FUNDC1: variants seen among roughly 807,000 people sequenced by gnomAD.
FUNDC1 encodes FUN14 domain containing 1.
Under a neutral mutation model 14.5 loss-of-function variants are expected in FUNDC1, and 10 were observed. That is an observed-to-expected ratio of 0.69 (90% confidence interval 0.43 to 1.17). The LOEUF (loss-of-function observed/expected upper bound fraction) is 1.17, where lower values mean the gene tolerates loss of function less well. Among genes scored for constraint, FUNDC1 ranks in the 50% most tolerant of loss-of-function variants. FUNDC1 has a pLI of 0.00. For missense variants in FUNDC1, 115 were observed against 113.8 expected (o/e 1.01, Z -0.05); for synonymous variants, 33 against 39.7 (o/e 0.83, Z 0.64).
At chrX:44,536,247 A>G (rs1448843639) in intron 3 of FUNDC1, among the ~76,000 whole-genome samples, 1 of 103,041 alleles carries the variant, frequency 9.7e-6, no homozygotes, top group East Asian at 3.3e-4. Context: ...TGAATCCGGG[A>G]GGTGGAAGTT....
At chrX:44,528,373 C>T (rs920361173) in intron 3 of FUNDC1, among the ~76,000 whole-genome samples, 11 of 112,256 alleles carry the variant, frequency 9.8e-5, no homozygotes, top group African/African-American at 3.6e-4. Context: ...ATTTATTCAT[C>T]TACTATCACT....
In FUNDC1 at chrX:44,538,550, C is replaced by G. The variant is rs773348831; in HGVS notation, c.186-8G>C. ...AACAGAAATCCTGCACACCTTTAAT[C>G]AAATAACAAAAGATGAAAACAATCA... On this transcript the variant is annotated splice_region_variant and splice_polypyrimidine_tract_variant and intron_variant, in intron 2 of 4. Coordinates refer to ENST00000378045, the MANE Select transcript of FUNDC1 (RefSeq NM_173794.4). 4.4e-5 allele frequency: 51 copies of G among 1,169,186 alleles called. No individual in the cohort carries two copies. Among genetic ancestry groups the G allele is most frequent in the Non-Finnish European group, 3.6e-5 (31 of 859,177 alleles).
In FUNDC1 at chrX:44,538,443, C is replaced by T. The variant is rs374334367; in HGVS notation, c.261+24G>A. 236 of 1,145,347 alleles carry T rather than the reference C, an allele frequency of 2.1e-4. No individual in the cohort carries two copies. In the Middle Eastern group the frequency reaches 5.8e-3, roughly 28 times the overall value. 94.4% of individuals were successfully genotyped at this position (1,145,347 alleles called of 1,213,427 possible). The stretch of plus-strand genomic sequence containing the variant: ...ATTCCACCTTCTATGAAAGCAAAGG[C>T]AAGTGCTTAAAGCTCTGACATACCT... On this transcript the variant is annotated intron_variant, in intron 3 of 4. Transcript: ENST00000378045.
At chrX:44,528,857 C>T (rs1335866400) in intron 3 of FUNDC1, among the ~76,000 whole-genome samples, 2 of 111,319 alleles carry the variant, frequency 1.8e-5, no homozygotes, top group Admixed American at 1.9e-4. Flanking sequence ...CCACCACGCC[C>T]GGCTGATTTT....
chrX:44,536,832 T>G (rs902007972), intron 3 of FUNDC1, among the ~76,000 whole-genome samples: 1 of 111,381 alleles, frequency 9.0e-6, no homozygotes, highest in African/African-American at 3.3e-5. Context: ...GATGTATAAC[T>G]CCAAAAAATT....
chrX:44,542,404 G>A (rs1251795042), intron 1 of FUNDC1: 10 of 370,569 alleles, frequency 2.7e-5, no homozygotes, highest in Non-Finnish European at 4.6e-5. Flanking sequence ...CCAAACCTTA[G>A]TAGGGTCAAG....
At chrX:44,535,692 A>G (rs1192761777) in intron 3 of FUNDC1, among the ~76,000 whole-genome samples, 1 of 93,783 alleles carries the variant, frequency 1.1e-5, no homozygotes, top group Non-Finnish European at 2.1e-5. Flanking sequence ...AAAAAAAAAA[A>G]GAAAGAATCC....
intron 4 of FUNDC1, among the ~76,000 whole-genome samples, chrX:44,525,778 G>A (rs2038898547): frequency 1.8e-5 from 2 of 108,701 alleles, no homozygotes; most frequent in Non-Finnish European, 3.8e-5. Flanking sequence ...CCAGGTGCTC[G>A]AGGCTGCAGT....
At chrX:44,542,583 G>A (rs5952590) in intron 1 of FUNDC1, among the ~76,000 whole-genome samples, 7,220 of 109,533 alleles carry the variant, frequency 0.066, 625 homozygotes, top group African/African-American at 0.23. Flanking sequence ...GGTAAGGCAG[G>A]AGGCAGGTAG....
chrX:44,534,584 T>C (rs2038939955), intron 3 of FUNDC1, among the ~76,000 whole-genome samples: 1 of 99,238 alleles, frequency 1.0e-5, no homozygotes, highest in African/African-American at 3.7e-5. Flanking sequence ...CAAAAGAAAA[T>C]CCTATAAGCA....
Position 44,538,450 on chromosome X carries a change from T to C in FUNDC1, c.261+17A>G. ...CTTCTATGAAAGCAAAGGCAAGTGC[T>C]TAAAGCTCTGACATACCTGAAGAAG... is the stretch of plus-strand genomic sequence containing the variant. On this transcript the variant is annotated intron_variant, in intron 3 of 4. Coordinates refer to ENST00000378045, the MANE Select transcript of FUNDC1 (RefSeq NM_173794.4). 2 of 1,183,353 alleles carry C rather than the reference T, an allele frequency of 1.7e-6. No homozygotes were observed. The highest frequency in any genetic ancestry group is 2.3e-6 in the Non-Finnish European group (2 of 871,005).
At chrX:44,541,611 T>C (rs2038972057) in intron 2 of FUNDC1, among the ~76,000 whole-genome samples, 1 of 111,708 alleles carries the variant, frequency 9.0e-6, no homozygotes, top group South Asian at 3.7e-4. Flanking sequence ...TGTAAAAATT[T>C]ACATATAATT....
At chrX:44,540,058 C>T (rs1468315259) in intron 2 of FUNDC1, among the ~76,000 whole-genome samples, 8 of 111,047 alleles carry the variant, frequency 7.2e-5, no homozygotes, top group Non-Finnish European at 1.9e-5. Context: ...TTCCAGAACA[C>T]TTTAAGGGCC....
chrX:44,535,208 C>A (rs2038942414), intron 3 of FUNDC1, among the ~76,000 whole-genome samples: 1 of 110,606 alleles, frequency 9.0e-6, no homozygotes, highest in Non-Finnish European at 1.9e-5. Context: ...AAGGGAATAT[C>A]CAGAAGGTAT....
chrX:44,542,815 G>T lies in FUNDC1; in HGVS notation c.18C>A (p.Pro6=), dbSNP rs763432939. The change falls in exon 1 of 5, where the codon CCC becomes CCA. Residue 6 remains proline (P), a synonymous_variant. Coordinates refer to ENST00000378045, the MANE Select transcript of FUNDC1 (RefSeq NM_173794.4). MATRN[P]PPQDYESDDD... Reference sequence around the variant, plus strand: ...GCCCTGGCCGCTCACCTTGGGGAGGGGGGTTCCGGGTCGCCATGATACCGC... The same window carrying T: ...GCCCTGGCCGCTCACCTTGGGGAGGTGGGTTCCGGGTCGCCATGATACCGC... 1.7e-6 allele frequency: 2 copies of T among 1,167,757 alleles called. No individual in the cohort carries two copies. The highest frequency in any genetic ancestry group is 2.3e-6 in the Non-Finnish European group (2 of 873,308).
intron 3 of FUNDC1, among the ~76,000 whole-genome samples, chrX:44,537,114 G>T (rs1341078643): frequency 8.9e-6 from 1 of 111,841 alleles, no homozygotes; most frequent in Non-Finnish European, 1.9e-5. Flanking sequence ...ATGCAGATAG[G>T]TCCTATGTTG....
chrX:44,525,635 G>A (rs1262233583), intron 4 of FUNDC1, among the ~76,000 whole-genome samples: 1 of 109,223 alleles, frequency 9.2e-6, no homozygotes, highest in Non-Finnish European at 1.9e-5. Flanking sequence ...CAGGCAGGCT[G>A]CTTGAGCCCA....
intron 1 of FUNDC1, 165 bp from the exon 2 acceptor site, chrX:44,542,266 G>A: frequency 2.3e-6 from 1 of 437,847 alleles, no homozygotes; most frequent in East Asian, 3.9e-5. Context: ...TTGAGACCAG[G>A]GCCTCAAGAG....
intron 4 of FUNDC1, among the ~76,000 whole-genome samples, chrX:44,526,488 G>A (rs1366243730): frequency 6.8e-5 from 4 of 58,469 alleles, no homozygotes; most frequent in Non-Finnish European, 1.3e-4. Flanking sequence ...AAATAAAAAA[G>A]GGGGGGGGGC....
Sources: gnomAD v4.1 joint callset for allele counts (sites outside exome capture counted in the v4.1 genomes callset) on GRCh38, gnomAD v4.1.1 for gene constraint, MANE v1.5 for transcripts, NCBI Gene and HGNC (gene_info 2026-07-23, HGNC 2026-07-21) for gene names.